STK32B: variants seen among roughly 807,000 people sequenced by gnomAD.
STK32B encodes the protein serine/threonine kinase 32B, also known as serine/threonine-protein kinase 32B.
Under a neutral mutation model 52.6 loss-of-function variants are expected in STK32B, and 43 were observed. The observed-to-expected ratio is 0.82, with a 90% CI of 0.64 to 1.05. STK32B has a LOEUF of 1.05. Among genes scored for constraint, STK32B ranks in the 50% least tolerant of loss-of-function variants. The pLI, the probability that STK32B is intolerant of heterozygous loss-of-function variation, is 0.00. For missense variants in STK32B, 621 were observed against 534.6 expected, an observed-to-expected ratio of 1.16 and a Z score of -1.59; for synonymous variants, 238 against 204.3, an observed-to-expected ratio of 1.17 and a Z score of -1.41.
chr4:5,434,412 T>C (rs1055967060), intron 6 of STK32B, among the ~76,000 whole-genome samples: 1 of 150,406 alleles, frequency 6.6e-6, no homozygotes, highest in African/African-American at 2.5e-5. Flanking sequence ...ATAGAGAGTA[T>C]ATGCTATATG....
Position 5,460,690 on chromosome 4 carries a change from G to T in STK32B, c.909+462G>T, listed in dbSNP as rs1477913590. On this transcript the variant is annotated intron_variant, in intron 9 of 11. Transcript: ENST00000282908. This position sits in a 1 kb window ranked among gnomAD's most constrained non-coding sequence, Gnocchi z 4.8. ...GGGTCGGCAGAGACCTAGAGGTAAA[G>T]TGAGGGAACCAGGACTGCAGGGATG... Among the ~76,000 whole-genome samples the T allele has an allele frequency of 6.6e-6, 1 of 152,236 alleles. No homozygotes were observed. Among genetic ancestry groups the T allele is most frequent in the Non-Finnish European group, 1.5e-5 (1 of 68,040 alleles).
chr4:5,284,844 T>A (rs1201610008), intron 3 of STK32B, among the ~76,000 whole-genome samples: 1 of 152,154 alleles, frequency 6.6e-6, no homozygotes, highest in East Asian at 1.9e-4. Context: ...TCATGTTTAG[T>A]GCAATACTGT....
chr4:5,154,640 G>A (rs776025581), intron 2 of STK32B, among the ~76,000 whole-genome samples: 8 of 152,194 alleles, frequency 5.3e-5, no homozygotes, highest in Middle Eastern at 3.2e-3. Flanking sequence ...GGCCCTTCCT[G>A]TGTCTGGTGC....
chr4:5,127,131 A>C, intron 1 of STK32B: 1 of 511,718 alleles, frequency 2.0e-6, no homozygotes, highest in Non-Finnish European at 3.9e-6. Context: ...TAAACAAGCT[A>C]GGATCTTGAT....
chr4:5,359,337 A>G (rs1577392549), intron 4 of STK32B, among the ~76,000 whole-genome samples: 1 of 151,682 alleles, frequency 6.6e-6, no homozygotes, highest in Admixed American at 6.6e-5. Context: ...CCATCCATCC[A>G]CCCATCCACC....
chr4:5,440,153 A>T (rs1714577812), intron 6 of STK32B, among the ~76,000 whole-genome samples: 1 of 152,192 alleles, frequency 6.6e-6, no homozygotes, highest in Non-Finnish European at 1.5e-5. Context: ...AGTCTTTGGT[A>T]GCTTGATGGG....
At chr4:5,489,552 C>T (rs1051430795) in intron 11 of STK32B, among the ~76,000 whole-genome samples, 1 of 149,644 alleles carries the variant, frequency 6.7e-6, no homozygotes, top group Non-Finnish European at 1.5e-5. Context: ...GGCAAAAAAA[C>T]GTATGTAGAC....
At chr4:5,034,439 T>C in the STK32B span, among the ~76,000 whole-genome samples, 3 of 152,250 alleles carry the variant, frequency 2.0e-5, no homozygotes, top group East Asian at 3.9e-4. Context: ...TCCAAAAATA[T>C]TCTATGCGCT....
At chr4:5,131,869 C>G (rs1319757649) in intron 1 of STK32B, among the ~76,000 whole-genome samples, 2 of 152,206 alleles carry the variant, frequency 1.3e-5, no homozygotes, top group African/African-American at 4.8e-5. Flanking sequence ...AACTGCTCCT[C>G]AAATATAACT....
intron 3 of STK32B, among the ~76,000 whole-genome samples, chr4:5,203,708 T>C (rs1722334772): frequency 6.6e-6 from 1 of 152,208 alleles, no homozygotes; most frequent in Non-Finnish European, 1.5e-5. Context: ...CCTAATTTTG[T>C]TGTCATTCCT....
intron 7 of STK32B, 68 bp from the exon 8 acceptor site, chr4:5,456,739 T>A (rs1441846681): frequency 2.2e-6 from 3 of 1,334,328 alleles, no homozygotes; most frequent in Non-Finnish European, 3.1e-6. Context: ...AATCATACAA[T>A]CTTAAAATGC....
At chr4:5,336,335 G>A (rs1732693465) in intron 4 of STK32B, among the ~76,000 whole-genome samples, 2 of 151,860 alleles carry the variant, frequency 1.3e-5, no homozygotes. Context: ...TAGTAAACAA[G>A]CCCTATTCCT....
chr4:5,090,771 G>C (rs1713036277), intron 1 of STK32B, among the ~76,000 whole-genome samples: 1 of 152,170 alleles, frequency 6.6e-6, no homozygotes, highest in African/African-American at 2.4e-5. Flanking sequence ...CTGAACAGGA[G>C]ATCCTTTCCC....
At chr4:5,356,735 G>T (rs1000185652) in intron 4 of STK32B, among the ~76,000 whole-genome samples, 1 of 152,146 alleles carries the variant, frequency 6.6e-6, no homozygotes, top group Non-Finnish European at 1.5e-5. Flanking sequence ...GGTGGCTCAC[G>T]CCTGTAATCC....
chr4:5,124,736 ATGTG>A (rs1479923925), intron 1 of STK32B, among the ~76,000 whole-genome samples: 3 of 152,160 alleles, frequency 2.0e-5, no homozygotes, highest in African/African-American at 7.2e-5. Flanking sequence ...GCATGTGTGT[ATGTG>A]TGAGCATGCA....
chr4:5,218,851 G>A lies in STK32B; in HGVS notation c.260+50401G>A, dbSNP rs1240484347. The stretch of plus-strand genomic sequence containing the variant: ...CAGGCACGTGGCTTCTGGCTCTCCC[G>A]GCCGGCCTGGGAGCTGGGACTGGGC... On this transcript the variant is annotated intron_variant, in intron 3 of 11. Coordinates refer to ENST00000282908, the MANE Select transcript of STK32B (RefSeq NM_018401.3). 3.3e-5 allele frequency among the ~76,000 whole-genome samples: 5 copies of A among 152,222 alleles called. No individual in the cohort carries two copies. In the Middle Eastern group the frequency reaches 0.014, roughly 414 times the overall value.
chr4:5,374,773 CGGGGGCG>C lies in STK32B; in HGVS notation c.435-23428_435-23422del, dbSNP rs565678148. Among the ~76,000 whole-genome samples the C allele has an allele frequency of 2.1e-3, 264 of 127,810 alleles. 3 individuals are homozygous for C. Among genetic ancestry groups the C allele is most frequent in the African/African-American group, 7.4e-3 (217 of 29,180 alleles). The allele number at this position is 127,810 out of a possible 152,430, so 83.8% of individuals were successfully genotyped here. On this transcript the variant is annotated intron_variant, in intron 4 of 11. Coordinates refer to ENST00000282908, the MANE Select transcript of STK32B (RefSeq NM_018401.3). ...TCATGTTTCAACATATGAATATTGACGGGGGCGGGGGGGGAACACCAACGTTCAAACC... is the reference window on the plus strand; with the variant it reads ...TCATGTTTCAACATATGAATATTGACGGGGGGGAACACCAACGTTCAAACC...
chr4:5,414,490 G>T (rs1258535156), intron 5 of STK32B, among the ~76,000 whole-genome samples: 2 of 152,294 alleles, frequency 1.3e-5, no homozygotes, highest in Admixed American at 1.3e-4. Context: ...ATTGGACTTA[G>T]AATGGAGGAT....
intron 4 of STK32B, among the ~76,000 whole-genome samples, chr4:5,379,018 C>G (rs1312931065): frequency 1.3e-5 from 2 of 152,188 alleles, no homozygotes; most frequent in East Asian, 3.9e-4. Flanking sequence ...AAAGAGATTC[C>G]AGGGTCAACA....
Sources: gnomAD v4.1 joint callset for allele counts (sites outside exome capture counted in the v4.1 genomes callset) on GRCh38, gnomAD v4.1.1 for gene constraint, Gnocchi (gnomAD v3.1) non-coding constraint, MANE v1.5 for transcripts, NCBI Gene and HGNC (gene_info 2026-07-23, HGNC 2026-07-21) for gene names.